Variants in WIF1 observed in about 807,000 individuals in gnomAD.
The protein encoded by WIF1 is Wnt inhibitory factor 1.
WIF1 carries 35 observed loss-of-function variants against 53.5 expected under a neutral mutation model. The ratio of observed to expected loss-of-function variants is 0.65; its 90% CI spans 0.50 to 0.87. The LOEUF (loss-of-function observed/expected upper bound fraction) is 0.87. Among genes scored for constraint, WIF1 ranks in the 40% least tolerant of loss-of-function variants. WIF1 has a pLI of 0.00. For synonymous variants in WIF1, 171 were observed against 170.4 expected, an observed-to-expected ratio of 1.00 and a Z score of -0.03; for missense variants, 467 against 476.8, an observed-to-expected ratio of 0.98 and a Z score of 0.19.
intron 7 of WIF1, among the ~76,000 whole-genome samples, chr12:65,057,630 T>C (rs1281104620): frequency 6.6e-6 from 1 of 152,162 alleles, no homozygotes; most frequent in Non-Finnish European, 1.5e-5. Flanking sequence ...TTGTTCTTTT[T>C]CTTTTCTTTT....
chr12:65,081,282 C>G (rs1192526230), intron 2 of WIF1, among the ~76,000 whole-genome samples: 1 of 152,148 alleles, frequency 6.6e-6, no homozygotes, highest in East Asian at 1.9e-4. Context: ...TTCCATGTCT[C>G]CTTGAAAGTG....
intron 2 of WIF1, among the ~76,000 whole-genome samples, chr12:65,110,844 A>G (rs1883419549): frequency 6.6e-6 from 1 of 152,234 alleles, no homozygotes; most frequent in Non-Finnish European, 1.5e-5. Flanking sequence ...CCATTATTCT[A>G]AGAGCCATGA....
intron 7 of WIF1, among the ~76,000 whole-genome samples, chr12:65,060,006 G>A (rs951386308): frequency 4.1e-5 from 6 of 146,008 alleles, no homozygotes; most frequent in Non-Finnish European, 6.0e-5. Context: ...ACATGGCATC[G>A]GAGTATACAT....
rs539638761 is a variant in WIF1, at chr12:65,060,951, A to G, written c.826+1530T>C. ...ACAAAACATTGTCTCTGCCAACAGA[A>G]GATTCATAAACCTAAGAACATGAAA... On this transcript the variant is annotated intron_variant, in intron 7 of 9. Coordinates refer to ENST00000286574, the MANE Select transcript of WIF1 (RefSeq NM_007191.5). Among the ~76,000 whole-genome samples the G allele has an allele frequency of 2.6e-5, 4 of 152,322 alleles. No homozygotes were observed. In the South Asian group the frequency reaches 6.2e-4, roughly 24 times the overall value.
chr12:65,092,802 T>C (rs1448851511), intron 2 of WIF1, among the ~76,000 whole-genome samples: 2 of 151,952 alleles, frequency 1.3e-5, no homozygotes, highest in Admixed American at 1.3e-4. Flanking sequence ...AGGAAAGCTG[T>C]CTGGAGATCC....
At chr12:65,062,019 G>A (rs530788811) in intron 7 of WIF1, among the ~76,000 whole-genome samples, 11 of 152,010 alleles carry the variant, frequency 7.2e-5, no homozygotes, top group East Asian at 3.9e-4. Flanking sequence ...CTTTTTTCTC[G>A]TTTTTCTTGA....
chr12:65,105,286 A>G (rs940946847), intron 2 of WIF1, among the ~76,000 whole-genome samples: 3 of 152,062 alleles, frequency 2.0e-5, no homozygotes, highest in African/African-American at 4.8e-5. Context: ...TTGGTACTGA[A>G]AGATTCTAAG....
Position 65,055,776 on chromosome 12 carries a change from A to AAAAAC in WIF1, c.922+250_922+254dup, listed in dbSNP as rs200504911. ...GGCGACAGAGAGAGACTCCGTCTCA[A>AAAAAC]AAAACAAAACAAAACAAAACAAAGA... On this transcript the variant is annotated intron_variant, in intron 8 of 9. Transcript: ENST00000286574. Among the ~76,000 whole-genome samples the AAAAAC allele has an allele frequency of 3.4e-4, 52 of 152,386 alleles. No homozygotes were observed. In the East Asian group the frequency reaches 7.9e-3, roughly 23 times the overall value.
At position 65,062,586 on chromosome 12, in the gene WIF1, T is replaced by C; in HGVS notation, c.731-10A>G. ...GTGGTTGAGCAGTTTGCTGTTAGAA[T>C]GAGTAACAGGGGTGTTGCATTAGAC... On this transcript the variant is annotated splice_polypyrimidine_tract_variant and intron_variant, in intron 6 of 9. Coordinates refer to ENST00000286574, the MANE Select transcript of WIF1 (RefSeq NM_007191.5). The C allele has an allele frequency of 6.3e-7, 1 of 1,599,476 alleles. No individual in the cohort carries two copies. Among genetic ancestry groups the C allele is most frequent in the Non-Finnish European group, 8.5e-7 (1 of 1,170,738 alleles).
Position 65,121,071 on chromosome 12 carries a change from C to G in WIF1, c.121G>C (p.Asp41His). Reference sequence around the variant, plus strand: ...ATGAGTACTCTTGCCTGGTGAGCATCGATCCATAGGTACAGGCTCTCCTCC... The same window carrying G: ...ATGAGTACTCTTGCCTGGTGAGCATGGATCCATAGGTACAGGCTCTCCTCC... ...PQEESLYLWI[D>H]AHQARVLIGF... Residue 41 changes from aspartate (D) to histidine (H), a missense_variant, in exon 1 of 10, where the codon GAT (aspartate) becomes CAT (histidine). Coordinates refer to ENST00000286574, the MANE Select transcript of WIF1 (RefSeq NM_007191.5). 6.5e-7 allele frequency: 1 copy of G among 1,539,246 alleles called. No homozygotes were observed. The highest frequency in any genetic ancestry group is 1.2e-5 in the South Asian group (1 of 82,502).
rs763035932 is a variant in WIF1, at chr12:65,051,362, T to C, written c.1127A>G (p.Asn376Ser). 5.0e-6 allele frequency: 8 copies of C among 1,613,208 alleles called. No homozygotes were observed. Among genetic ancestry groups the C allele is most frequent in the African/African-American group, 2.7e-5 (2 of 74,898 alleles). ...AEERRDPPES[N>S]YIW ...AGATGTCGGAGTTCACCAGATGTAA[T>C]TGGATTCAGGTGGATCCCGCCGCTC... Residue 376 changes from asparagine to serine, a missense_variant, in exon 10 of 10, where the codon AAT (asparagine) becomes AGT (serine). Coordinates refer to ENST00000286574, the MANE Select transcript of WIF1 (RefSeq NM_007191.5).
intron 3 of WIF1, among the ~76,000 whole-genome samples, chr12:65,074,152 G>A (rs1882822965): frequency 6.6e-6 from 1 of 151,872 alleles, no homozygotes; most frequent in Non-Finnish European, 1.5e-5. Flanking sequence ...CTAAGCAGTA[G>A]AATTTCAGTA....
intron 2 of WIF1, among the ~76,000 whole-genome samples, chr12:65,084,600 T>A (rs1214787639): frequency 6.6e-6 from 1 of 152,238 alleles, no homozygotes; most frequent in African/African-American, 2.4e-5. Context: ...AATGTTGGAT[T>A]CCTGTGGCTA....
chr12:65,112,029 A>C (rs973987875), intron 2 of WIF1, among the ~76,000 whole-genome samples: 16 of 152,246 alleles, frequency 1.1e-4, no homozygotes, highest in African/African-American at 3.6e-4. Context: ...GCTGAGAAAA[A>C]CAGGGAAGGA....
chr12:65,094,474 T>C (rs1293888462), intron 2 of WIF1, among the ~76,000 whole-genome samples: 1 of 152,200 alleles, frequency 6.6e-6, no homozygotes, highest in Non-Finnish European at 1.5e-5. Context: ...CTCTTTCTCA[T>C]TAAATGAAAT....
intron 6 of WIF1, among the ~76,000 whole-genome samples, chr12:65,063,233 T>C (rs1443022446): frequency 2.0e-5 from 3 of 151,952 alleles, no homozygotes; most frequent in South Asian, 2.1e-4. Context: ...AACCAGATTA[T>C]CCAGGTAGTA....
chr12:65,082,169 T>A (rs565543612), intron 2 of WIF1, among the ~76,000 whole-genome samples: 1 of 152,258 alleles, frequency 6.6e-6, no homozygotes, highest in Non-Finnish European at 1.5e-5. Flanking sequence ...TTATAATAAA[T>A]ATTCTTAGAC....
intron 2 of WIF1, among the ~76,000 whole-genome samples, chr12:65,114,669 G>GCT: frequency 6.6e-6 from 1 of 152,054 alleles, no homozygotes. Flanking sequence ...CACTTGATAC[G>GCT]CTCTCTCTTG....
chr12:65,071,231 C>CAAA (rs67928556), intron 3 of WIF1, among the ~76,000 whole-genome samples: 83 of 70,934 alleles, frequency 1.2e-3, no homozygotes, highest in Admixed American at 1.9e-3. Flanking sequence ...AAGACTCCAT[C>CAAA]AAAAAAAAAA....
Sources: gnomAD v4.1 joint callset for allele counts (sites outside exome capture counted in the v4.1 genomes callset) on GRCh38, gnomAD v4.1.1 for gene constraint, MANE v1.5 for transcripts, NCBI Gene and HGNC (gene_info 2026-07-23, HGNC 2026-07-21) for gene names.